The following DNAH10 variants were observed in gnomAD, a reference collection of about 807,000 sequenced individuals.
DNAH10 encodes axonemal beta dynein heavy chain 10.
Under a neutral mutation model 506.6 loss-of-function variants are expected in DNAH10, and 348 were observed. The ratio of observed to expected loss-of-function variants is 0.69; its 90% CI spans 0.63 to 0.75. DNAH10 has a LOEUF of 0.75. DNAH10 is among the 30% of genes least tolerant of loss of function. The probability of loss-of-function intolerance (pLI) is 0.00; values close to 1 mark genes in which losing one functional copy is unlikely to be tolerated. For missense variants in DNAH10, 5,179 were observed against 5,787.1 expected (o/e 0.89, Z 3.41); for synonymous variants, 2,059 against 2,198.6 (o/e 0.94, Z 1.78).
At position 123,914,703 on chromosome 12, in the gene DNAH10, C is replaced by T. The variant is rs149055319; in HGVS notation, c.10575-149C>T. 7.0e-3 allele frequency: 9,758 copies of T among 1,398,298 alleles called. 42 individuals carry two copies. The highest frequency in any genetic ancestry group is 8.2e-3 in the Non-Finnish European group (8,587 of 1,049,164). 86.6% of individuals were successfully genotyped at this position (1,398,298 alleles called of 1,614,324 possible). Reference sequence around the variant, plus strand: ...GGAAGTGGCCGGGCAAGCTGCAAACCCAGCACGGAGCCCTTCTCCCTGGCC... The same window carrying T: ...GGAAGTGGCCGGGCAAGCTGCAAACTCAGCACGGAGCCCTTCTCCCTGGCC... On this transcript the variant is annotated intron_variant, in intron 61 of 78. Coordinates refer to ENST00000673944, the MANE Select transcript of DNAH10 (RefSeq NM_001372106.1).
At chr12:123,827,502 C>A (rs1201518108) in intron 25 of DNAH10, among the ~76,000 whole-genome samples, 1 of 152,192 alleles carries the variant, frequency 6.6e-6, no homozygotes, top group Non-Finnish European at 1.5e-5. Context: ...GATGGGATAG[C>A]CAGCCCTGTG....
At chr12:123,881,483 C>A in intron 50 of DNAH10, 142 bp from the exon 51 acceptor site, 1 of 842,182 alleles carries the variant, frequency 1.2e-6, no homozygotes, top group African/African-American at 1.8e-5. Context: ...CCTTCGCCCA[C>A]TTTTTGATGA....
Position 123,790,058 on chromosome 12 carries a change from C to G in DNAH10, c.1752C>G (p.Pro584=), listed in dbSNP as rs376671319. The change falls in exon 11 of 79, where the codon CCC becomes CCG. Residue 584 remains proline, a synonymous_variant. Coordinates refer to ENST00000673944, the MANE Select transcript of DNAH10 (RefSeq NM_001372106.1). ...CCATGGAAAACCTGACCTTTGACCC[C>G]TTCAGCATCAAGTCCTCCCAGTTCT... ...VTPMENLTFD[P]FSIKSSQFWK... 1.9e-6 allele frequency: 3 copies of G among 1,614,188 alleles called. No homozygotes were observed. The highest frequency in any genetic ancestry group is 1.7e-6 in the Non-Finnish European group (2 of 1,180,036).
chr12:123,916,760 T>C lies in DNAH10; in HGVS notation c.11002+24T>C. On this transcript the variant is annotated intron_variant, in intron 63 of 78. Coordinates refer to ENST00000673944, the MANE Select transcript of DNAH10 (RefSeq NM_001372106.1). The surrounding 1 kb of genome is among the most constrained non-coding windows in gnomAD (Gnocchi z 4.6). Reference sequence around the variant, plus strand: ...TGGTAAGAATGTGTAGAACCTCCACTGCTAATTCAGATGGTTATGAGGGAG... The same window carrying C: ...TGGTAAGAATGTGTAGAACCTCCACCGCTAATTCAGATGGTTATGAGGGAG... 6.3e-7 allele frequency: 1 copy of C among 1,584,100 alleles called. No homozygotes were observed. Among genetic ancestry groups the C allele is most frequent in the Non-Finnish European group, 8.6e-7 (1 of 1,165,024 alleles).
chr12:123,918,017 C>T (rs1167623221), intron 64 of DNAH10, among the ~76,000 whole-genome samples: 1 of 152,140 alleles, frequency 6.6e-6, no homozygotes, highest in East Asian at 1.9e-4. Flanking sequence ...CTCTTTAAAT[C>T]GAGAGTGATA....
chr12:123,935,495 A>G lies in DNAH10; in HGVS notation c.*14A>G, dbSNP rs972101289. 1 of 1,571,166 alleles carries G rather than the reference A, an allele frequency of 6.4e-7. No homozygotes were observed. Among genetic ancestry groups the G allele is most frequent in the East Asian group, 2.3e-5 (1 of 43,874 alleles). On this transcript the variant is annotated 3_prime_UTR_variant, in exon 79 of 79. Coordinates refer to ENST00000673944, the MANE Select transcript of DNAH10 (RefSeq NM_001372106.1). ...AATTCTGATTAACCTTTGGGTGAAGAAAACTGCTTAATGAATTCGGAGCCT... is the reference window on the plus strand; with the variant it reads ...AATTCTGATTAACCTTTGGGTGAAGGAAACTGCTTAATGAATTCGGAGCCT...
rs139833246 is a variant in DNAH10 at position 123,907,091 on chromosome 12, G to A, written c.9816-2170G>A. 2.6e-5 allele frequency among the ~76,000 whole-genome samples: 4 copies of A among 152,222 alleles called. No individual in the cohort carries two copies. The highest frequency in any genetic ancestry group is 4.4e-5 in the Non-Finnish European group (3 of 68,040). ...GTGAGGCAGGCAGGGTCTTCACTGC[G>A]TGGCGCTGACACTCTGTTTTCCTAT... On this transcript the variant is annotated intron_variant, in intron 57 of 78. Coordinates refer to ENST00000673944, the MANE Select transcript of DNAH10 (RefSeq NM_001372106.1). This position sits in a 1 kb window ranked among gnomAD's most constrained non-coding sequence, Gnocchi z 4.4.
In DNAH10 at chr12:123,800,222, A is replaced by G. The variant is rs1260321716; in HGVS notation, c.2296A>G (p.Ile766Val). The stretch of plus-strand genomic sequence containing the variant: ...TGGAATGTCTCTTCCACAGTCTTCC[A>G]TCGCCACAGAGGAGCCTTCGACTTT... ...MKKSLLTKSS[I>V]ATEEPSTLER... The change falls in exon 15 of 79, where the codon ATC becomes GTC. Residue 766 changes from isoleucine (I) to valine (V), a missense_variant. This residue lies in a region of DNAH10 where 4,844 missense variants were observed against 5,430.5 expected (regional missense o/e 0.89). Coordinates refer to ENST00000673944, the MANE Select transcript of DNAH10 (RefSeq NM_001372106.1). 11 of 1,613,626 alleles carry G rather than the reference A, an allele frequency of 6.8e-6. No individual in the cohort carries two copies. The highest frequency in any genetic ancestry group is 1.3e-5 in the African/African-American group (1 of 75,010).
Position 123,853,759 on chromosome 12 carries a change from G to A in DNAH10, c.6438+407G>A, listed in dbSNP as rs921911616. The stretch of plus-strand genomic sequence containing the variant: ...ACTTTAAATAAAAGGTTTAGTCAAT[G>A]TTCTGTGGGCAACAGGCTTACCTGT... On this transcript the variant is annotated intron_variant, in intron 36 of 78. Transcript: ENST00000673944. The surrounding 1 kb of genome is among the most constrained non-coding windows in gnomAD (Gnocchi z 4.7). 3.7e-4 allele frequency among the ~76,000 whole-genome samples: 57 copies of A among 152,118 alleles called. No individual in the cohort carries two copies. Among genetic ancestry groups the A allele is most frequent in the African/African-American group, 1.3e-3 (54 of 41,422 alleles).
chr12:123,797,403 T>TTTCTTTTTTC, intron 13 of DNAH10, among the ~76,000 whole-genome samples: 1 of 152,050 alleles, frequency 6.6e-6, no homozygotes, highest in Admixed American at 6.5e-5. Context: ...TTTCTTTTTT[T>TTTCTTTTTTC]TTTTTTTAAG....
At position 123,926,655 on chromosome 12, in the gene DNAH10, G is replaced by T. The variant is rs1354284957; in HGVS notation, c.11940G>T (p.Met3980Ile). 6.2e-7 allele frequency: 1 copy of T among 1,613,564 alleles called. No individual in the cohort carries two copies. The highest frequency in any genetic ancestry group is 1.1e-5 in the South Asian group (1 of 91,036). The change falls in exon 69 of 79, where the codon ATG (methionine) becomes ATT (isoleucine). Residue 3980 changes from methionine to isoleucine, a missense_variant. Met to Ile is a conservative substitution (Grantham distance 10). Coordinates refer to ENST00000673944, the MANE Select transcript of DNAH10 (RefSeq NM_001372106.1). The surrounding 1 kb of genome is among the most constrained non-coding windows in gnomAD (Gnocchi z 4.1). The stretch of plus-strand genomic sequence containing the variant: ...TCACCAGGTATGTGCAGCCCCCAAT[G>T]ATCAGCTTTGAAGCTATTTTTGAGC... The part of the protein sequence containing the change: ...TMGEKYVQPP[M>I]ISFEAIFEQS...
Position 123,930,590 on chromosome 12 carries a change from A to G in DNAH10, c.12784+17A>G. 1 of 1,603,230 alleles carries G rather than the reference A, an allele frequency of 6.2e-7. No homozygotes were observed. ...AATTTGTTGGTGAGATTTCTCAGAC[A>G]TGAAAAGATGTTTTCAAGGCTTTTT... On this transcript the variant is annotated intron_variant, in intron 73 of 78. Transcript: ENST00000673944.
At chr12:123,910,498 C>G (rs764764938) in intron 58 of DNAH10, 38 bp from the exon 59 acceptor site, 1 of 1,601,138 alleles carries the variant, frequency 6.2e-7, no homozygotes, top group Non-Finnish European at 8.5e-7. Context: ...CAAGATGAAG[C>G]TTGCCACTCA....
At chr12:123,858,961 G>T (rs1307107406) in intron 37 of DNAH10, among the ~76,000 whole-genome samples, 189 bp from the exon 38 acceptor site, 3 of 152,110 alleles carry the variant, frequency 2.0e-5, no homozygotes, top group African/African-American at 7.2e-5. Flanking sequence ...AGGGTTTTTT[G>T]TGGGGAGGGG....
chr12:123,848,119 G>C, intron 33 of DNAH10, 24 bp downstream of exon 33: 5 of 1,601,310 alleles, frequency 3.1e-6, no homozygotes, highest in Non-Finnish European at 4.3e-6. Flanking sequence ...GTCACCTTTG[G>C]TACTGGCTCA....
chr12:123,889,389 G>A (rs1465379452), intron 52 of DNAH10, among the ~76,000 whole-genome samples: 2 of 152,214 alleles, frequency 1.3e-5, no homozygotes, highest in Non-Finnish European at 2.9e-5. Context: ...TCGGCTCCTT[G>A]AGAGGGGGGA....
chr12:123,908,177 C>G, intron 57 of DNAH10: 1 of 368,490 alleles, frequency 2.7e-6, no homozygotes, highest in Non-Finnish European at 5.4e-6. Flanking sequence ...CTCCCTGTCT[C>G]TCTGTCTCCT....
At chr12:123,908,533 C>A (rs1264178480) in intron 57 of DNAH10, 2 of 456,114 alleles carry the variant, frequency 4.4e-6, no homozygotes, top group Admixed American at 2.3e-5. Context: ...TTTCACTGAC[C>A]TTGCCTGGCA....
intron 52 of DNAH10, among the ~76,000 whole-genome samples, chr12:123,890,772 G>T (rs1952947551): frequency 6.6e-6 from 1 of 152,154 alleles, no homozygotes; most frequent in Non-Finnish European, 1.5e-5. Context: ...TATTCAGGAG[G>T]CAGAGCCAAC....
Sources: allele counts gnomAD v4.1 joint callset (sites outside exome capture counted in the v4.1 genomes callset), GRCh38; gene constraint gnomAD v4.1.1; regional missense constraint gnomAD v4.1.1; non-coding constraint Gnocchi (gnomAD v3.1); transcripts MANE v1.5; gene names NCBI Gene and HGNC (gene_info 2026-07-23, HGNC 2026-07-21).